Variants in ATP11C observed in about 807,000 individuals in gnomAD.
The protein encoded by ATP11C is phospholipid-transporting ATPase IG.
Under a neutral mutation model 97.4 loss-of-function variants are expected in ATP11C, and 36 were observed. The ratio of observed to expected loss-of-function variants is 0.37; its 90% CI spans 0.28 to 0.49. The LOEUF (loss-of-function observed/expected upper bound fraction) is 0.49. Ranked by LOEUF, ATP11C falls within the 20% of genes least tolerant of loss-of-function variation. The pLI is 0.98. For synonymous variants in ATP11C, 275 were observed against 290.9 expected, an observed-to-expected ratio of 0.95 and a Z score of 0.56; for missense variants, 730 against 824.6, an observed-to-expected ratio of 0.89 and a Z score of 1.40.
At chrX:139,763,861 C>T (rs1386353020) in intron 20 of ATP11C, among the ~76,000 whole-genome samples, 1 of 111,973 alleles carries the variant, frequency 8.9e-6, no homozygotes, top group African/African-American at 3.2e-5. Flanking sequence ...CAGAACACAG[C>T]CATTCAAAAT....
chrX:139,766,423 A>C (rs114493339), intron 20 of ATP11C, among the ~76,000 whole-genome samples: 6,634 of 111,788 alleles, frequency 0.059, 485 homozygotes, highest in African/African-American at 0.2. Context: ...CCTCTGACTA[A>C]GGGGACAGAT....
At chrX:139,862,271 G>C (rs1328054957) in intron 1 of ATP11C, among the ~76,000 whole-genome samples, 2 of 111,140 alleles carry the variant, frequency 1.8e-5, no homozygotes, top group African/African-American at 6.6e-5. Flanking sequence ...TAATAAACCA[G>C]TAAATGTGTT....
At chrX:139,896,412 A>C (rs1407633582) in intron 1 of ATP11C, among the ~76,000 whole-genome samples, 3 of 111,138 alleles carry the variant, frequency 2.7e-5, no homozygotes, top group Non-Finnish European at 5.6e-5. Flanking sequence ...AGAAACTGTC[A>C]CAGCCAAGAA....
chrX:139,764,291 G>T (rs1259504071), intron 20 of ATP11C, among the ~76,000 whole-genome samples: 2 of 112,583 alleles, frequency 1.8e-5, no homozygotes, highest in African/African-American at 3.2e-5. Context: ...ACACTAAAGG[G>T]GTTGACATTT....
At chrX:139,835,887 C>T (rs1324536715) in intron 1 of ATP11C, among the ~76,000 whole-genome samples, 2 of 105,685 alleles carry the variant, frequency 1.9e-5, no homozygotes, top group Non-Finnish European at 3.9e-5. Flanking sequence ...ATTAGCCAGG[C>T]GTGGTGGTAC....
Position 139,762,115 on chromosome X carries a change from G to C in ATP11C, c.2495-9C>G, listed in dbSNP as rs370236974. On this transcript the variant is annotated splice_polypyrimidine_tract_variant and intron_variant, in intron 21 of 29. Transcript: ENST00000682941. ...TTCTTTGCCTTTAATACCTAAAAGA[G>C]AGTATCTCTATATGGTGAGCATTTT... The C allele has an allele frequency of 9.3e-6, 11 of 1,177,613 alleles. No homozygotes were observed. In the African/African-American group the frequency reaches 1.6e-4, roughly 17 times the overall value.
intron 1 of ATP11C, among the ~76,000 whole-genome samples, chrX:139,859,655 C>A (rs915608336): frequency 2.0e-4 from 22 of 111,861 alleles, no homozygotes; most frequent in Non-Finnish European, 3.9e-4. Flanking sequence ...AAAGAGAAAA[C>A]CTTTATGAAA....
intron 1 of ATP11C, among the ~76,000 whole-genome samples, chrX:139,894,230 C>G (rs1015959768): frequency 1.8e-5 from 2 of 112,252 alleles, no homozygotes; most frequent in Admixed American, 1.9e-4. Context: ...ACTTTCTGAT[C>G]TTCATCTGTT....
chrX:139,751,973 A>G (rs1242684309), intron 23 of ATP11C, among the ~76,000 whole-genome samples: 1 of 111,755 alleles, frequency 8.9e-6, no homozygotes, highest in Non-Finnish European at 1.9e-5. Context: ...GATATTTGCA[A>G]TAAAGGTTGC....
At chrX:139,877,884 G>A (rs1202899183) in intron 1 of ATP11C, among the ~76,000 whole-genome samples, 2 of 110,885 alleles carry the variant, frequency 1.8e-5, no homozygotes, top group Non-Finnish European at 3.8e-5. Flanking sequence ...TTAGGTGGGC[G>A]TGGTGGCACG....
At chrX:139,757,898 C>T in intron 22 of ATP11C, 31 bp from the exon 23 acceptor site, 1 of 995,298 alleles carries the variant, frequency 1.0e-6, no homozygotes, top group East Asian at 3.1e-5. Context: ...CAAGGATTAA[C>T]ATTTTCACTT....
chrX:139,845,902 G>A (rs761531714), intron 1 of ATP11C, among the ~76,000 whole-genome samples: 1 of 111,979 alleles, frequency 8.9e-6, no homozygotes, highest in East Asian at 2.8e-4. Context: ...GATTTGCTTT[G>A]GGAATAATTA....
intron 18 of ATP11C, among the ~76,000 whole-genome samples, chrX:139,776,937 G>A (rs556368451): frequency 3.6e-5 from 4 of 111,385 alleles, no homozygotes; most frequent in African/African-American, 1.3e-4. Context: ...GCCTTGCCCC[G>A]TCGAAAGCAC....
At chrX:139,738,457 G>C (rs2081490563) in intron 27 of ATP11C, among the ~76,000 whole-genome samples, 1 of 111,526 alleles carries the variant, frequency 9.0e-6, no homozygotes. Flanking sequence ...GGATGGATTT[G>C]TGTTCTGTAT....
chrX:139,766,680 G>A (rs2082145118), intron 20 of ATP11C, among the ~76,000 whole-genome samples: 1 of 111,637 alleles, frequency 9.0e-6, no homozygotes, highest in African/African-American at 3.3e-5. Context: ...CTTGTTTAGA[G>A]GAAGTGGTTA....
intron 5 of ATP11C, 53 bp downstream of exon 5, chrX:139,814,825 T>G: frequency 1.4e-6 from 1 of 715,620 alleles, no homozygotes; most frequent in Non-Finnish European, 2.1e-6. Flanking sequence ...AATTATACAC[T>G]TTAAAATGGT....
chrX:139,878,408 T>TA (rs1323611962), intron 1 of ATP11C, among the ~76,000 whole-genome samples: 2 of 112,390 alleles, frequency 1.8e-5, no homozygotes, highest in African/African-American at 6.5e-5. Flanking sequence ...TTGGCAATAA[T>TA]AGTTACGGAC....
intron 23 of ATP11C, among the ~76,000 whole-genome samples, chrX:139,754,664 C>T (rs1231164042): frequency 8.9e-6 from 1 of 112,121 alleles, no homozygotes; most frequent in East Asian, 2.8e-4. Flanking sequence ...ATCAGGCAGG[C>T]TTTATCACTA....
chrX:139,793,098 T>C (rs1056198914), intron 12 of ATP11C, among the ~76,000 whole-genome samples: 5 of 111,591 alleles, frequency 4.5e-5, no homozygotes, highest in African/African-American at 1.6e-4. Context: ...GGACACCCAG[T>C]TGGTGTTCAC....
Sources: gnomAD v4.1 joint callset for allele counts (sites outside exome capture counted in the v4.1 genomes callset) on GRCh38, gnomAD v4.1.1 for gene constraint, MANE v1.5 for transcripts, NCBI Gene and HGNC (gene_info 2026-07-23, HGNC 2026-07-21) for gene names.